ITGA6: variants seen among roughly 807,000 people sequenced by gnomAD.
The protein encoded by ITGA6 is integrin alpha-6.
A neutral mutation model predicts 133.6 loss-of-function variants in ITGA6; 63 were observed. The observed-to-expected ratio is 0.47, with a 90% CI of 0.38 to 0.58. The LOEUF (loss-of-function observed/expected upper bound fraction) is 0.58. Among genes scored for constraint, ITGA6 ranks in the 20% least tolerant of loss-of-function variants. The pLI, the probability that ITGA6 is intolerant of heterozygous loss-of-function variation, is 0.00. For synonymous variants in ITGA6, 434 were observed against 482.0 expected, an observed-to-expected ratio of 0.90 and a Z score of 1.30; for missense variants, 1,068 against 1,309.4, an observed-to-expected ratio of 0.82 and a Z score of 2.85.
chr2:172,505,067 G>A lies in ITGA6; in HGVS notation c.*999G>A, dbSNP rs1236887085. ...AGAAAATCTTTATAAATGTACCAGA[G>A]AGAGTTGTTTTAATAACTTATCTAT... On this transcript the variant is annotated 3_prime_UTR_variant, in exon 26 of 26. Coordinates refer to ENST00000684293, the MANE Select transcript of ITGA6 (RefSeq NM_000210.4). 6.6e-6 allele frequency: 1 copy of A among 152,608 alleles called. No homozygotes were observed. The highest frequency in any genetic ancestry group is 6.5e-5 in the Admixed American group (1 of 15,282). 9.5% of individuals were successfully genotyped at this position (152,608 alleles called of 1,614,324 possible).
In ITGA6 at chr2:172,427,685, G is replaced by T; in HGVS notation, c.-104G>T. On this transcript the variant is annotated 5_prime_UTR_variant, in exon 1 of 26. Coordinates refer to ENST00000684293, the MANE Select transcript of ITGA6 (RefSeq NM_000210.4). Reference sequence around the variant, plus strand: ...GTGGGGCCGGGCGCAGCGGCGAGAGGAGGCGAAGGTGGCTGCGGTAGCAGC... The same window carrying T: ...GTGGGGCCGGGCGCAGCGGCGAGAGTAGGCGAAGGTGGCTGCGGTAGCAGC... 1 of 1,349,202 alleles carries T rather than the reference G, an allele frequency of 7.4e-7. No individual in the cohort carries two copies. The highest frequency in any genetic ancestry group is 9.5e-7 in the Non-Finnish European group (1 of 1,051,642). The allele number at this position is 1,349,202 out of a possible 1,614,324, so 83.6% of individuals were successfully genotyped here. A position where few individuals can be genotyped will look rare whatever the true frequency, so the allele number is the denominator to read the frequency against.
chr2:172,437,798 G>A (rs969141926), intron 1 of ITGA6, among the ~76,000 whole-genome samples: 1 of 148,456 alleles, frequency 6.7e-6, no homozygotes, highest in Admixed American at 6.8e-5. Flanking sequence ...TACACATGGA[G>A]GTTAGGGAGA....
intron 1 of ITGA6, among the ~76,000 whole-genome samples, chr2:172,440,809 T>G (rs1425542220): frequency 2.0e-5 from 3 of 152,204 alleles, no homozygotes; most frequent in Non-Finnish European, 4.4e-5. Context: ...CTGGCTATAT[T>G]AGCTTATTTG....
chr2:172,493,367 A>ATACCTGTAAAGCTATACCTG (rs1687002285), intron 23 of ITGA6, among the ~76,000 whole-genome samples: 2 of 152,192 alleles, frequency 1.3e-5, no homozygotes, highest in South Asian at 4.1e-4. Context: ...CTCTGCATCT[A>ATACCTGTAAAGCTATACCTG]TAAAGGCAGC....
intron 19 of ITGA6, 51 bp from the exon 20 acceptor site, chr2:172,489,434 A>C: frequency 2.8e-6 from 4 of 1,433,644 alleles, no homozygotes; most frequent in Non-Finnish European, 3.9e-6. Context: ...CTGCTACTTA[A>C]ATTTACATTG....
intron 1 of ITGA6, among the ~76,000 whole-genome samples, chr2:172,445,448 G>A (rs1300258969): frequency 6.7e-6 from 1 of 149,394 alleles, no homozygotes; most frequent in African/African-American, 2.5e-5. Flanking sequence ...AGGAGATCGA[G>A]ACCATCCTGG....
At chr2:172,478,993 A>T (rs919000123) in intron 9 of ITGA6, among the ~76,000 whole-genome samples, 2 of 152,196 alleles carry the variant, frequency 1.3e-5, no homozygotes, top group Non-Finnish European at 2.9e-5. Flanking sequence ...TTAAAAATGC[A>T]CATATTCTTT....
chr2:172,461,543 C>T (rs560282919), intron 1 of ITGA6, among the ~76,000 whole-genome samples: 2 of 152,298 alleles, frequency 1.3e-5, no homozygotes, highest in South Asian at 2.1e-4. Flanking sequence ...CTCTGAAGGT[C>T]GAGTTGTCAC....
Position 172,491,032 on chromosome 2 carries a change from C to G in ITGA6, c.2688C>G (p.His896Gln). ...GATATAATTTTTTTCAGGAGTCTCA[C>G]AACTCAAGAAAGAAACGGGAAATTA... The part of the protein sequence containing the change: ...EINSLNLTES[H>Q]NSRKKREITE... The change falls in exon 21 of 26, where the codon CAC (histidine) becomes CAG (glutamine). Residue 896 changes from histidine to glutamine, a missense_variant. By Grantham distance (24) the His-to-Gln change is conservative. Transcript: ENST00000684293. The surrounding 1 kb of genome is among the most constrained non-coding windows in gnomAD (Gnocchi z 4.4). 1.3e-6 allele frequency: 2 copies of G among 1,549,792 alleles called. No individual in the cohort carries two copies. The highest frequency in any genetic ancestry group is 1.8e-6 in the Non-Finnish European group (2 of 1,122,662).
intron 5 of ITGA6, among the ~76,000 whole-genome samples, chr2:172,472,457 A>G (rs968631823): frequency 1.3e-5 from 2 of 152,246 alleles, no homozygotes; most frequent in African/African-American, 4.8e-5. Context: ...GAACATTTGA[A>G]AATATGAAGC....
In ITGA6 at chr2:172,505,337, T is replaced by C. The variant is rs886534583; in HGVS notation, c.*1269T>C. 3 of 152,154 alleles carry C rather than the reference T, an allele frequency of 2.0e-5. No homozygotes were observed. The South Asian group carries it at 6.2e-4, about 31-fold the overall frequency. 9.4% of individuals were successfully genotyped at this position (152,154 alleles called of 1,614,324 possible). ...CTGTATATTCAGGACTTGAAAGAAA[T>C]GGTGAATGCCTATGGTGGATCCAAA... On this transcript the variant is annotated 3_prime_UTR_variant, in exon 26 of 26. Coordinates refer to ENST00000684293, the MANE Select transcript of ITGA6 (RefSeq NM_000210.4).
intron 9 of ITGA6, 71 bp downstream of exon 9, chr2:172,476,584 A>T (rs1686185040): frequency 1.1e-6 from 1 of 932,794 alleles, no homozygotes; most frequent in African/African-American, 1.6e-5. Context: ...GACCTTTTGG[A>T]CTGAAATTTG....
At chr2:172,496,806 T>C (rs1259390926) in intron 23 of ITGA6, among the ~76,000 whole-genome samples, 1 of 152,244 alleles carries the variant, frequency 6.6e-6, no homozygotes, top group African/African-American at 2.4e-5. Flanking sequence ...TTCATTTGCA[T>C]TCTAAACCCA....
Position 172,497,970 on chromosome 2 carries a change from T to C in ITGA6, c.2989-5T>C, listed in dbSNP as rs943501675. On this transcript the variant is annotated splice_polypyrimidine_tract_variant and splice_region_variant and intron_variant, in intron 23 of 25. Transcript: ENST00000684293. Reference sequence around the variant, plus strand: ...AGTAATGCTGCTTTCTTTTCTGCCCTGTAGGTTCGAGTGACTGTGTTTCCC... The same window carrying C: ...AGTAATGCTGCTTTCTTTTCTGCCCCGTAGGTTCGAGTGACTGTGTTTCCC... The C allele has an allele frequency of 6.2e-7, 1 of 1,613,762 alleles. No homozygotes were observed. Among genetic ancestry groups the C allele is most frequent in the African/African-American group, 1.3e-5 (1 of 74,930 alleles).
rs773031582 is a variant in ITGA6, at chr2:172,490,988, A to G, written c.2680-36A>G. 3.9e-6 allele frequency: 4 copies of G among 1,034,184 alleles called. No individual in the cohort carries two copies. In the Admixed American group the frequency reaches 5.1e-5, roughly 13 times the overall value. The allele number at this position is 1,034,184 out of a possible 1,614,324, so 64.1% of individuals were successfully genotyped here. On this transcript the variant is annotated intron_variant, in intron 20 of 25. Transcript: ENST00000684293. ...TTGTATGGTAATGACAAAGAATTAC[A>G]TAAATTGGAACTATTTTGGATATAA...
In ITGA6 at chr2:172,504,202, G is replaced by GA. The variant is rs201055917; in HGVS notation, c.*142dup. On this transcript the variant is annotated 3_prime_UTR_variant, in exon 26 of 26. Coordinates refer to ENST00000684293, the MANE Select transcript of ITGA6 (RefSeq NM_000210.4). The stretch of plus-strand genomic sequence containing the variant: ...AGATGAAAAGTATATTGATAACCTT[G>GA]AAAAAAAACAGTGGATCACAAAGTG... 457 of 1,580,016 alleles carry GA rather than the reference G, an allele frequency of 2.9e-4. 2 individuals carry two copies. The East Asian group carries it at 7.3e-3, about 25-fold the overall frequency.
intron 11 of ITGA6, among the ~76,000 whole-genome samples, chr2:172,483,188 C>G (rs544298332): frequency 6.6e-6 from 1 of 152,116 alleles, no homozygotes; most frequent in South Asian, 2.1e-4. Context: ...CAGGCCAACA[C>G]TGCTGGGAGG....
chr2:172,467,902 G>A (rs1376840371), intron 3 of ITGA6, among the ~76,000 whole-genome samples: 2 of 151,874 alleles, frequency 1.3e-5, no homozygotes, highest in Non-Finnish European at 2.9e-5. Context: ...CAGGAGAATC[G>A]CTTGAACCTG....
intron 1 of ITGA6, among the ~76,000 whole-genome samples, chr2:172,445,719 T>C (rs531809370): frequency 6.6e-6 from 1 of 152,222 alleles, no homozygotes; most frequent in East Asian, 1.9e-4. Flanking sequence ...GCTTTGTCTT[T>C]GTCTTCCCGG....
Sources: gnomAD v4.1 joint callset for allele counts (sites outside exome capture counted in the v4.1 genomes callset) on GRCh38, gnomAD v4.1.1 for gene constraint, Gnocchi (gnomAD v3.1) non-coding constraint, MANE v1.5 for transcripts, NCBI Gene and HGNC (gene_info 2026-07-23, HGNC 2026-07-21) for gene names.